The following RBFOX1 variants were observed in gnomAD, a reference collection of about 807,000 sequenced individuals.
RBFOX1 encodes RNA binding fox-1 homolog 1, also known as RNA binding protein fox-1 homolog 1.
RBFOX1 carries 8 observed loss-of-function variants against 57.7 expected under a neutral mutation model. The ratio of observed to expected loss-of-function variants is 0.14; its 90% CI spans 0.08 to 0.25. The LOEUF (loss-of-function observed/expected upper bound fraction) is 0.25, where lower values mean the gene tolerates loss of function less well. Among genes scored for constraint, RBFOX1 ranks in the 10% least tolerant of loss-of-function variants. The probability of loss-of-function intolerance (pLI) is 1.00; values close to 1 mark genes in which losing one functional copy is unlikely to be tolerated. For missense variants in RBFOX1, 611 were observed against 548.5 expected, an observed-to-expected ratio of 1.11 and a Z score of -1.14; for synonymous variants, 326 against 222.4, an observed-to-expected ratio of 1.47 and a Z score of -4.15.
chr16:6,539,323 C>G (rs1482577278), intron 2 of RBFOX1, among the ~76,000 whole-genome samples: 1 of 152,134 alleles, frequency 6.6e-6, no homozygotes, highest in South Asian at 2.1e-4. Flanking sequence ...TGGAATAGTA[C>G]TTACAGAAAT....
intron 2 of RBFOX1, among the ~76,000 whole-genome samples, chr16:5,485,517 T>C (rs2069702594): frequency 1.3e-5 from 2 of 152,072 alleles, no homozygotes; most frequent in Admixed American, 6.5e-5. Flanking sequence ...GGCTAACAAA[T>C]ATGAAGCCCA....
intron 4 of RBFOX1, among the ~76,000 whole-genome samples, chr16:6,013,062 A>G (rs1203492322): frequency 6.6e-6 from 1 of 152,152 alleles, no homozygotes; most frequent in Non-Finnish European, 1.5e-5. Flanking sequence ...CATCATCATC[A>G]TCATTGTTGT....
intron 1 of RBFOX1, among the ~76,000 whole-genome samples, chr16:6,136,357 G>A (rs557388895): frequency 7.9e-5 from 12 of 152,202 alleles, no homozygotes; most frequent in Middle Eastern, 3.4e-3. Context: ...CAGTTGAGCC[G>A]TATTCCAGAT....
intron 2 of RBFOX1, among the ~76,000 whole-genome samples, chr16:5,556,935 C>G (rs974574022): frequency 1.3e-5 from 2 of 152,158 alleles, no homozygotes; most frequent in Non-Finnish European, 2.9e-5. Context: ...TTTGCTGAAG[C>G]TAGAATTTCC....
chr16:6,221,046 A>G (rs1233386894), intron 1 of RBFOX1, among the ~76,000 whole-genome samples: 3 of 151,974 alleles, frequency 2.0e-5, no homozygotes, highest in Admixed American at 6.6e-5. Flanking sequence ...TACTCTTTTT[A>G]TTCTAAATAA....
intron 4 of RBFOX1, among the ~76,000 whole-genome samples, chr16:7,212,783 C>G (rs2091388187): frequency 6.6e-6 from 1 of 152,148 alleles, no homozygotes; most frequent in African/African-American, 2.4e-5. Flanking sequence ...CACATGTATA[C>G]CTATGTAACA....
chr16:7,446,692 A>C lies in RBFOX1; in HGVS notation c.28-71455A>C, dbSNP rs116839794. Among the ~76,000 whole-genome samples the C allele has an allele frequency of 6.7e-3, 1,014 of 151,922 alleles. 9 individuals carry two copies. Among genetic ancestry groups the C allele is most frequent in the African/African-American group, 0.022 (930 of 41,462 alleles). ...GTAACTCCCTGTTGGGCAACCCCAT[A>C]GAGCAAACACCAGAAACCCCAGAAT... is the stretch of plus-strand genomic sequence containing the variant. On this transcript the variant is annotated intron_variant, in intron 4 of 15. Transcript: ENST00000550418.
At chr16:6,136,275 C>G (rs1381752907) in intron 1 of RBFOX1, among the ~76,000 whole-genome samples, 1 of 152,154 alleles carries the variant, frequency 6.6e-6, no homozygotes, top group Non-Finnish European at 1.5e-5. Flanking sequence ...GGGCCACTAC[C>G]ATGCTGGCTC....
intron 4 of RBFOX1, among the ~76,000 whole-genome samples, chr16:7,329,734 T>C (rs1372116285): frequency 3.3e-5 from 5 of 152,178 alleles, no homozygotes; most frequent in African/African-American, 1.2e-4. Flanking sequence ...GGACAGCCCT[T>C]ATTTTCACAC....
chr16:7,594,500 A>T (rs1220445884), intron 7 of RBFOX1, among the ~76,000 whole-genome samples: 1 of 152,186 alleles, frequency 6.6e-6, no homozygotes, highest in Admixed American at 6.5e-5. Context: ...TTTAAAAATA[A>T]TGTGTCGTAT....
chr16:7,021,773 C>T (rs1310237893), intron 3 of RBFOX1, among the ~76,000 whole-genome samples: 1 of 150,766 alleles, frequency 6.6e-6, no homozygotes, highest in Non-Finnish European at 1.5e-5. Flanking sequence ...ATTTATTGAG[C>T]ATGTACTATA....
intron 2 of RBFOX1, among the ~76,000 whole-genome samples, chr16:5,559,025 G>C (rs1333796507): frequency 6.6e-6 from 1 of 152,090 alleles, no homozygotes; most frequent in African/African-American, 2.4e-5. Flanking sequence ...TGAAACCATA[G>C]CAGTTATGCT....
At chr16:7,656,923 G>T (rs2066461060) in intron 12 of RBFOX1, among the ~76,000 whole-genome samples, 1 of 152,078 alleles carries the variant, frequency 6.6e-6, no homozygotes, top group Non-Finnish European at 1.5e-5. Flanking sequence ...TTCCTAAATT[G>T]CCACAGTGAA....
At chr16:6,024,354 G>C (rs1212512860) in intron 1 of RBFOX1, among the ~76,000 whole-genome samples, 1 of 152,110 alleles carries the variant, frequency 6.6e-6, no homozygotes, top group Non-Finnish European at 1.5e-5. Flanking sequence ...ATAATGAAAA[G>C]GGTTCCAAAA....
At chr16:5,794,269 T>A (rs1327142205) in intron 3 of RBFOX1, among the ~76,000 whole-genome samples, 1 of 152,150 alleles carries the variant, frequency 6.6e-6, no homozygotes, top group Non-Finnish European at 1.5e-5. Context: ...CTTCTCTTCC[T>A]CCTCTTTGTT....
chr16:6,785,266 C>T (rs772692461), intron 3 of RBFOX1, among the ~76,000 whole-genome samples: 1 of 152,102 alleles, frequency 6.6e-6, no homozygotes, highest in Admixed American at 6.5e-5. Flanking sequence ...TTATGCAAAA[C>T]AAGAATTATT....
At chr16:6,021,577 C>G (rs1413346304) in intron 1 of RBFOX1, among the ~76,000 whole-genome samples, 4 of 152,182 alleles carry the variant, frequency 2.6e-5, no homozygotes, top group African/African-American at 9.7e-5. Context: ...CAGGGAGGCC[C>G]TCCGTTTGGA....
At chr16:7,188,514 G>C (rs1349999654) in intron 4 of RBFOX1, among the ~76,000 whole-genome samples, 3 of 152,154 alleles carry the variant, frequency 2.0e-5, no homozygotes, top group Non-Finnish European at 2.9e-5. Flanking sequence ...ATGTTTTGCT[G>C]TGTGTGTGGG....
chr16:5,836,108 G>A (rs2056448573), intron 3 of RBFOX1, among the ~76,000 whole-genome samples: 1 of 152,192 alleles, frequency 6.6e-6, no homozygotes, highest in African/African-American at 2.4e-5. Flanking sequence ...TAGTCGTGAG[G>A]CTGTGCAGTG....
Sources: allele counts gnomAD v4.1 joint callset (sites outside exome capture counted in the v4.1 genomes callset), GRCh38; gene constraint gnomAD v4.1.1; transcripts MANE v1.5; gene names NCBI Gene and HGNC (gene_info 2026-07-23, HGNC 2026-07-21).